The following GABRB1 variants were observed in gnomAD, a reference collection of about 807,000 sequenced individuals.
GABRB1 encodes the protein gamma-aminobutyric acid type A receptor subunit beta1, also known as gamma-aminobutyric acid receptor subunit beta-1.
GABRB1 carries 17 observed loss-of-function variants against 51.6 expected under a neutral mutation model. The observed-to-expected ratio is 0.33, with a 90% CI of 0.23 to 0.49. GABRB1 has a LOEUF of 0.49. Among genes scored for constraint, GABRB1 ranks in the 20% least tolerant of loss-of-function variants. GABRB1 has a pLI of 0.99. For missense variants in GABRB1, 410 were observed against 600.6 expected (o/e 0.68, Z 3.32); for synonymous variants, 247 against 218.9 (o/e 1.13, Z -1.14).
At chr4:47,024,792 G>C (rs1045655987) in intron 1 of GABRB1, among the ~76,000 whole-genome samples, 1 of 151,256 alleles carries the variant, frequency 6.6e-6, no homozygotes, top group Non-Finnish European at 1.5e-5. Context: ...TCATAGCTTA[G>C]CTCCCACTTA....
At chr4:46,996,691 A>G (rs1315174855) in intron 1 of GABRB1, among the ~76,000 whole-genome samples, 2 of 152,170 alleles carry the variant, frequency 1.3e-5, no homozygotes, top group Non-Finnish European at 1.5e-5. Context: ...ATCCCATTTT[A>G]TAAGCTTCCC....
intron 4 of GABRB1, among the ~76,000 whole-genome samples, chr4:47,197,269 G>A (rs543120286): frequency 6.6e-6 from 1 of 152,310 alleles, no homozygotes; most frequent in East Asian, 1.9e-4. Flanking sequence ...TTGATCTACA[G>A]TTGGTTTTGT....
At chr4:47,418,272 A>G (rs1728990445) in intron 8 of GABRB1, among the ~76,000 whole-genome samples, 1 of 152,232 alleles carries the variant, frequency 6.6e-6, no homozygotes, top group Non-Finnish European at 1.5e-5. Flanking sequence ...GAAGCTGGCA[A>G]GTCCAAAATC....
At chr4:47,340,423 T>C (rs1317732320) in intron 5 of GABRB1, among the ~76,000 whole-genome samples, 1 of 152,116 alleles carries the variant, frequency 6.6e-6, no homozygotes, top group African/African-American at 2.4e-5. Context: ...TGCGCTGGTA[T>C]AATATGATAC....
rs78969023 is a variant in GABRB1, at chr4:47,138,662, C to A, written c.241-22587C>A. Among the ~76,000 whole-genome samples the A allele has an allele frequency of 5.4e-3, 817 of 152,178 alleles. 6 individuals are homozygous for A. The highest frequency in any genetic ancestry group is 0.019 in the African/African-American group (788 of 41,534). On this transcript the variant is annotated intron_variant, in intron 3 of 8. Transcript: ENST00000295454. ...TCATAATTTTGGTGCTGCTCGATAC[C>A]TTTCAAGCATGTGAAGCATGCCCAC...
chr4:47,092,002 G>A (rs915963345), intron 3 of GABRB1, among the ~76,000 whole-genome samples: 3 of 151,936 alleles, frequency 2.0e-5, no homozygotes, highest in Admixed American at 2.0e-4. Context: ...CATGATCACA[G>A]ACTGGGTCAG....
At chr4:47,365,457 G>C (rs999318005) in intron 5 of GABRB1, among the ~76,000 whole-genome samples, 8 of 152,130 alleles carry the variant, frequency 5.3e-5, no homozygotes, top group Non-Finnish European at 1.2e-4. Flanking sequence ...ATTGGAGAGG[G>C]ATTTGGGGTA....
chr4:47,326,798 G>C (rs1173046771), intron 5 of GABRB1, among the ~76,000 whole-genome samples: 1 of 152,138 alleles, frequency 6.6e-6, no homozygotes, highest in South Asian at 2.1e-4. Flanking sequence ...GAAATAAATG[G>C]CTGTTATTCA....
At chr4:47,337,308 T>C (rs1249505734) in intron 5 of GABRB1, among the ~76,000 whole-genome samples, 1 of 151,864 alleles carries the variant, frequency 6.6e-6, no homozygotes, top group East Asian at 1.9e-4. Flanking sequence ...ACCAGGGATG[T>C]AGGAGAAAAA....
intron 3 of GABRB1, among the ~76,000 whole-genome samples, chr4:47,082,966 T>C (rs970301368): frequency 2.0e-5 from 3 of 152,134 alleles, no homozygotes; most frequent in Admixed American, 2.0e-4. Context: ...TAATAGGAGA[T>C]TATATGCAAT....
intron 5 of GABRB1, among the ~76,000 whole-genome samples, chr4:47,358,415 AGAGT>A (rs1726669991): frequency 1.3e-5 from 2 of 151,696 alleles, no homozygotes; most frequent in African/African-American, 4.8e-5. Flanking sequence ...AGAGAGAGAG[AGAGT>A]GAGAGAGAGA....
At chr4:47,275,891 G>GTGTTAGTGAACACTAACAC (rs1723057692) in intron 4 of GABRB1, among the ~76,000 whole-genome samples, 1 of 152,174 alleles carries the variant, frequency 6.6e-6, no homozygotes, top group East Asian at 1.9e-4. Context: ...GATCCCTCAT[G>GTGTTAGTGAACACTAACAC]TAACTGTGTT....
At chr4:47,283,503 A>G (rs1723379247) in intron 4 of GABRB1, among the ~76,000 whole-genome samples, 1 of 148,678 alleles carries the variant, frequency 6.7e-6, no homozygotes, top group African/African-American at 2.5e-5. Context: ...CTCCTGCCTC[A>G]GCCTCCCGAG....
intron 3 of GABRB1, among the ~76,000 whole-genome samples, chr4:47,033,237 A>T (rs1725414850): frequency 6.6e-6 from 1 of 152,244 alleles, no homozygotes; most frequent in Admixed American, 6.5e-5. Context: ...AGGGGGCGAC[A>T]GTAACACAGC....
At chr4:47,066,318 G>T (rs998943735) in intron 3 of GABRB1, among the ~76,000 whole-genome samples, 2 of 152,166 alleles carry the variant, frequency 1.3e-5, no homozygotes, top group Non-Finnish European at 2.9e-5. Context: ...TCAGGGTGGT[G>T]GTTGCTGAGG....
intron 8 of GABRB1, among the ~76,000 whole-genome samples, chr4:47,412,305 A>T (rs951093402): frequency 6.6e-6 from 1 of 152,186 alleles, no homozygotes; most frequent in African/African-American, 2.4e-5. Flanking sequence ...GAATTAATTA[A>T]TTAATACTGG....
In GABRB1 at chr4:47,214,781, A is replaced by G. The variant is rs186462164; in HGVS notation, c.461+53312A>G. Among the ~76,000 whole-genome samples the G allele has an allele frequency of 7.5e-4, 114 of 152,286 alleles. 1 individual carries two copies. Among genetic ancestry groups the G allele is most frequent in the African/African-American group, 2.3e-3 (94 of 41,582 alleles). ...CTTTTGTTTCTAAAGCCATAAGCCA[A>G]CAGAATTTCTCCATGAGAGTACAAG... On this transcript the variant is annotated intron_variant, in intron 4 of 8. Transcript: ENST00000295454.
chr4:47,131,062 G>A (rs1192178511), intron 3 of GABRB1, among the ~76,000 whole-genome samples: 1 of 152,118 alleles, frequency 6.6e-6, no homozygotes, highest in African/African-American at 2.4e-5. Context: ...GCCTCTGTGT[G>A]CTTACATTCA....
At chr4:47,162,226 G>C (rs967575589) in intron 4 of GABRB1, among the ~76,000 whole-genome samples, 6 of 152,012 alleles carry the variant, frequency 3.9e-5, no homozygotes, top group African/African-American at 9.7e-5. Context: ...AAGATTGGTG[G>C]TTAATCATTA....
Sources: gnomAD v4.1 joint callset for allele counts (sites outside exome capture counted in the v4.1 genomes callset) on GRCh38, gnomAD v4.1.1 for gene constraint, MANE v1.5 for transcripts, NCBI Gene and HGNC (gene_info 2026-07-23, HGNC 2026-07-21) for gene names.